Variants in SLC30A2 observed in about 807,000 individuals in gnomAD.
SLC30A2 encodes the protein proton-coupled zinc antiporter SLC30A2.
SLC30A2 carries 19 observed loss-of-function variants against 39.6 expected under a neutral mutation model. The observed-to-expected ratio is 0.48, with a 90% CI of 0.34 to 0.70. SLC30A2 has a LOEUF of 0.70. Ranked by LOEUF, SLC30A2 falls within the 30% of genes least tolerant of loss-of-function variation. The pLI, the probability that SLC30A2 is intolerant of heterozygous loss-of-function variation, is 0.01. For synonymous variants in SLC30A2, 195 were observed against 194.8 expected (o/e 1.00, Z -0.01); for missense variants, 387 against 479.4 (o/e 0.81, Z 1.80).
chr1:26,042,763 CTA>C, intron 4 of SLC30A2, 55 bp from the exon 5 acceptor site: 1 of 1,536,110 alleles, frequency 6.5e-7, no homozygotes, highest in South Asian at 1.1e-5. Flanking sequence ...TGGAGGTCAC[CTA>C]TTAGGACTAG....
chr1:26,045,279 AG>A (rs1475138125), intron 1 of SLC30A2, 62 bp from the exon 2 acceptor site: 1 of 1,375,370 alleles, frequency 7.3e-7, no homozygotes, highest in African/African-American at 1.4e-5. Flanking sequence ...GGCCGACTCT[AG>A]TCCCATTTCT....
At chr1:26,045,783 G>C (rs1486194237) in intron 1 of SLC30A2, 64 bp downstream of exon 1, 1 of 1,612,524 alleles carries the variant, frequency 6.2e-7, no homozygotes, top group African/African-American at 1.3e-5. Context: ...CTGCTAGGAT[G>C]GCAAATGCGG....
rs1322651798 is a variant in SLC30A2, at chr1:26,037,370, A to C, written c.*1790T>G. The C allele has an allele frequency of 6.6e-6, 1 of 151,750 alleles. No homozygotes were observed. Among genetic ancestry groups the C allele is most frequent in the East Asian group, 1.9e-4 (1 of 5,140 alleles). The allele number at this position is 151,750 out of a possible 1,614,324, so 9.4% of individuals were successfully genotyped here. On this transcript the variant is annotated 3_prime_UTR_variant, in exon 8 of 8. Transcript: ENST00000374276. ...TGCCTCAGCCTCCCGAGTAGCTGGG[A>C]TTACAGGCACAAGCCACCACGCCTG...
intron 1 of SLC30A2, chr1:26,045,572 G>C: frequency 1.6e-6 from 1 of 628,094 alleles, no homozygotes; most frequent in Non-Finnish European, 2.7e-6. Flanking sequence ...GCTGCCTGGG[G>C]CAAAGTGCTG....
In SLC30A2 at chr1:26,045,932, G is replaced by A; in HGVS notation, c.-36C>T. ...GCCGAGTCCCGGCAGCCGCGCAGCC[G>A]CCCCGCCGAGTGCGCCCTGAAAGTT... On this transcript the variant is annotated 5_prime_UTR_variant, in exon 1 of 8. Transcript: ENST00000374276. 3 of 1,604,164 alleles carry A rather than the reference G, an allele frequency of 1.9e-6. No homozygotes were observed. Among genetic ancestry groups the A allele is most frequent in the African/African-American group, 1.3e-5 (1 of 74,748 alleles).
rs1569701478 is a variant in SLC30A2 at position 26,042,496 on chromosome 1, C to A, written c.732+53G>T. On this transcript the variant is annotated intron_variant, in intron 5 of 7. Coordinates refer to ENST00000374276, the MANE Select transcript of SLC30A2 (RefSeq NM_001004434.3). ...AAGAAACCCCGGTAGAGAGTATACT[C>A]AGGTGGTCTACACTCCCCTGCCACC... 5 of 1,496,676 alleles carry A rather than the reference C, an allele frequency of 3.3e-6. No individual in the cohort carries two copies. In the East Asian group the frequency reaches 9.1e-5, roughly 27 times the overall value. 92.7% of individuals were successfully genotyped at this position (1,496,676 alleles called of 1,614,324 possible).
Position 26,043,195 on chromosome 1 carries a change from G to T in SLC30A2, c.572+203C>A, listed in dbSNP as rs573347558. 1.6e-3 allele frequency among the ~76,000 whole-genome samples: 237 copies of T among 152,294 alleles called. 1 individual carries two copies. Among genetic ancestry groups the T allele is most frequent in the African/African-American group, 4.1e-3 (172 of 41,560 alleles). On this transcript the variant is annotated intron_variant, in intron 4 of 7. Coordinates refer to ENST00000374276, the MANE Select transcript of SLC30A2 (RefSeq NM_001004434.3). The stretch of plus-strand genomic sequence containing the variant: ...AGTGGGTAGAGTGGATGAAGACTCC[G>T]ATTTACAGCTCCCAGTGTTCTTGGC...
In SLC30A2 at chr1:26,037,385, CA is replaced by C. The variant is rs2050352545; in HGVS notation, c.*1774del. The stretch of plus-strand genomic sequence containing the variant: ...AGTAGCTGGGATTACAGGCACAAGC[CA>C]CCACGCCTGGCTAGTTTTTGTATTT... On this transcript the variant is annotated 3_prime_UTR_variant, in exon 8 of 8. Coordinates refer to ENST00000374276, the MANE Select transcript of SLC30A2 (RefSeq NM_001004434.3). 1 of 152,170 alleles carries C rather than the reference CA, an allele frequency of 6.6e-6. No homozygotes were observed. The highest frequency in any genetic ancestry group is 1.5e-5 in the Non-Finnish European group (1 of 68,088). The allele number at this position is 152,170 out of a possible 1,614,324, so 9.4% of individuals were successfully genotyped here. A position where few individuals can be genotyped will look rare whatever the true frequency, so the allele number is the denominator to read the frequency against.
rs1184275189 is a variant in SLC30A2 at position 26,042,655 on chromosome 1, T to G, written c.626A>C (p.Asn209Thr). ...SGHGHSHGTTNQQEENPSVRA... is the reference protein window; with the variant it reads ...SGHGHSHGTTTQQEENPSVRA... The stretch of plus-strand genomic sequence containing the variant: ...GACGCTGGGGTTCTCCTCCTGCTGG[T>G]TGGTGGTGCCGTGGCTGTGCCCATG... The change falls in exon 5 of 8, where the codon AAC (asparagine) becomes ACC (threonine). Residue 209 changes from asparagine to threonine, a missense_variant. Coordinates refer to ENST00000374276, the MANE Select transcript of SLC30A2 (RefSeq NM_001004434.3). The G allele has an allele frequency of 6.8e-6, 11 of 1,614,148 alleles. No individual in the cohort carries two copies. The highest frequency in any genetic ancestry group is 9.3e-6 in the Non-Finnish European group (11 of 1,180,016).
In SLC30A2 at chr1:26,045,968, C is replaced by A; in HGVS notation, c.-72G>T. On this transcript the variant is annotated 5_prime_UTR_variant, in exon 1 of 8. Coordinates refer to ENST00000374276, the MANE Select transcript of SLC30A2 (RefSeq NM_001004434.3). ...TGCGCCCTGAAAGTTGCGCGCGGGA[C>A]TCCGGGTGGCGCTCACCCACCTGCC... The A allele has an allele frequency of 6.3e-7, 1 of 1,589,790 alleles. No individual in the cohort carries two copies. The highest frequency in any genetic ancestry group is 8.5e-7 in the Non-Finnish European group (1 of 1,174,500).
At chr1:26,040,921 C>CCT (rs1214039769) in intron 6 of SLC30A2, among the ~76,000 whole-genome samples, 2 of 150,972 alleles carry the variant, frequency 1.3e-5, no homozygotes, top group African/African-American at 4.9e-5. Flanking sequence ...GTGAGACCCC[C>CCT]CCCCCATCTC....
At chr1:26,044,860 G>T in intron 2 of SLC30A2, 137 bp downstream of exon 2, 1 of 712,752 alleles carries the variant, frequency 1.4e-6, no homozygotes. Context: ...GTTGTTGTTA[G>T]ACCTGCATCA....
intron 5 of SLC30A2, 97 bp downstream of exon 5, chr1:26,042,452 G>T: frequency 9.1e-7 from 1 of 1,100,240 alleles, no homozygotes; most frequent in Admixed American, 2.1e-5. Flanking sequence ...CTAGAACTGG[G>T]AGGGAGCTAG....
Position 26,045,937 on chromosome 1 carries a change from G to A in SLC30A2, c.-41C>T. Reference sequence around the variant, plus strand: ...GTCCCGGCAGCCGCGCAGCCGCCCCGCCGAGTGCGCCCTGAAAGTTGCGCG... The same window carrying A: ...GTCCCGGCAGCCGCGCAGCCGCCCCACCGAGTGCGCCCTGAAAGTTGCGCG... On this transcript the variant is annotated 5_prime_UTR_variant, in exon 1 of 8. Transcript: ENST00000374276. 1 of 1,603,546 alleles carries A rather than the reference G, an allele frequency of 6.2e-7. No individual in the cohort carries two copies. The highest frequency in any genetic ancestry group is 8.5e-7 in the Non-Finnish European group (1 of 1,178,392).
rs767551005 is a variant in SLC30A2 at position 26,043,417 on chromosome 1, C to A, written c.553G>T (p.Ala185Ser). 3 of 1,613,978 alleles carry A rather than the reference C, an allele frequency of 1.9e-6. No individual in the cohort carries two copies. The highest frequency in any genetic ancestry group is 1.1e-5 in the South Asian group (1 of 91,072). ...GGTMLITSGC[A>S]VAVNIIMGLT... ...ACTCACATGATGTTCACAGCCACAG[C>A]GCAGCCCGACGTGATCAGCATGGTC... Residue 185 changes from alanine to serine, a missense_variant, in exon 4 of 8, where the codon GCT (alanine) becomes TCT (serine). Transcript: ENST00000374276.
At position 26,039,849 on chromosome 1, in the gene SLC30A2, CTA is replaced by C. The variant is rs2050377936; in HGVS notation, c.899_900del (p.Val300GlyfsTer92). ...VRDLLLSVEGVEALHSLHIWA... is the reference protein window; with the variant it reads ...VRDLLLSVEGXEALHSLHIWA... ...CAGATATGCAGGCTGTGCAGGGCTT[CTA>C]CCCCCTCCACCGACAGCAGCAGATC... On this transcript the variant is annotated frameshift_variant, in exon 7 of 8. Transcript: ENST00000374276. LOFTEE classifies it high-confidence loss of function. The surrounding 1 kb of genome is among the most constrained non-coding windows in gnomAD (Gnocchi z 4.3). The C allele has an allele frequency of 1.2e-6, 2 of 1,613,916 alleles. No individual in the cohort carries two copies. Among genetic ancestry groups the C allele is most frequent in the Non-Finnish European group, 1.7e-6 (2 of 1,179,984 alleles).
chr1:26,043,294 G>A (rs1051238120), intron 4 of SLC30A2, 104 bp downstream of exon 4: 113 of 1,229,240 alleles, frequency 9.2e-5, no homozygotes, highest in Admixed American at 3.5e-4. Context: ...TCCCTGTAGC[G>A]TATGCTGGAA....
chr1:26,045,653 A>G (rs6686190), intron 1 of SLC30A2, among the ~76,000 whole-genome samples, 194 bp downstream of exon 1: 131,916 of 152,254 alleles, frequency 0.87, 57,390 homozygotes, highest in East Asian at 0.93. Flanking sequence ...CAGGGGTCAG[A>G]ATCTGGGCTG....
chr1:26,039,305 G>C lies in SLC30A2; in HGVS notation c.974C>G (p.Ala325Gly). ...CACAGCCTGGGCGTCTGTATTCTGA[G>C]CTGGGGGCCGAGAGGACACAGCGGG... The part of the protein sequence containing the change: ...QPVLSVHIAI[A>G]QNTDAQAVLK... Residue 325 changes from alanine to glycine, a missense_variant and splice_region_variant, in exon 8 of 8, where the codon GCT becomes GGT. Transcript: ENST00000374276. This position sits in a 1 kb window ranked among gnomAD's most constrained non-coding sequence, Gnocchi z 4.3. 1 of 1,612,690 alleles carries C rather than the reference G, an allele frequency of 6.2e-7. No homozygotes were observed. Among genetic ancestry groups the C allele is most frequent in the Non-Finnish European group, 8.5e-7 (1 of 1,178,918 alleles).
Sources: gnomAD v4.1 joint callset for allele counts (sites outside exome capture counted in the v4.1 genomes callset) on GRCh38, gnomAD v4.1.1 for gene constraint, Gnocchi (gnomAD v3.1) non-coding constraint, MANE v1.5 for transcripts, NCBI Gene and HGNC (gene_info 2026-07-23, HGNC 2026-07-21) for gene names.